The following TAF7L variants were observed in gnomAD, a reference collection of about 807,000 sequenced individuals.
TAF7L encodes transcription initiation factor TFIID subunit 7-like.
TAF7L carries 6 observed loss-of-function variants against 30.2 expected under a neutral mutation model. That is an observed-to-expected ratio of 0.20 (90% CI 0.11 to 0.39). The LOEUF is 0.39. Among genes scored for constraint, TAF7L ranks in the 10% least tolerant of loss-of-function variants. The pLI, the probability that TAF7L is intolerant of heterozygous loss-of-function variation, is 1.00. For missense variants in TAF7L, 284 were observed against 277.1 expected (o/e 1.03, Z -0.18); for synonymous variants, 93 against 94.5 (o/e 0.98, Z 0.09).
At chrX:101,291,423 A>G (rs970747463), upstream of TAF7L, 377 of 310,118 alleles carry the variant, frequency 1.2e-3, 2 homozygotes, top group Non-Finnish European at 4.1e-4. Context: ...TGCCCAGCGG[A>G]CTGGAGCACG....
At chrX:101,274,405 C>T (rs1036259415) in intron 12 of TAF7L, among the ~76,000 whole-genome samples, 1 of 110,499 alleles carries the variant, frequency 9.0e-6, no homozygotes, top group Non-Finnish European at 1.9e-5. Context: ...CAGCGTTTCA[C>T]CATGTTGCTC....
rs1322518794 is a variant in TAF7L, at chrX:101,290,988, T to C, written c.-3+236A>G. ...AGTCTCCGGCTGCAGTTTAAGAGACTGACCTCCATCCTTATCCCCGGGGCA... is the reference window on the plus strand; with the variant it reads ...AGTCTCCGGCTGCAGTTTAAGAGACCGACCTCCATCCTTATCCCCGGGGCA... On this transcript the variant is annotated intron_variant, in intron 1 of 12. Coordinates refer to ENST00000356784, the MANE Select transcript of TAF7L (RefSeq NM_001168474.2). 8.0e-5 allele frequency among the ~76,000 whole-genome samples: 9 copies of C among 112,205 alleles called. No individual in the cohort carries two copies. The East Asian group carries it at 2.5e-3, about 32-fold the overall frequency.
At chrX:101,275,941 C>T in intron 11 of TAF7L, 59 bp downstream of exon 11, 1 of 878,687 alleles carries the variant, frequency 1.1e-6, no homozygotes, top group Non-Finnish European at 1.6e-6. Context: ...AGTGGAAACA[C>T]AAAGGCAAGA....
chrX:101,289,645 G>A (rs1266599794), intron 1 of TAF7L, among the ~76,000 whole-genome samples: 11 of 110,815 alleles, frequency 9.9e-5, no homozygotes, highest in South Asian at 3.8e-4. Context: ...GCAATGGCAC[G>A]CATCTCAGCT....
upstream of TAF7L, among the ~76,000 whole-genome samples, chrX:101,292,255 ATAAAAAAAAT>A (rs1487179363): frequency 1.9e-4 from 15 of 77,244 alleles, 1 homozygote; most frequent in South Asian, 6.6e-4. Context: ...AAAAAAATAA[ATAAAAAAAAT>A]AAATAAAAAT....
chrX:101,268,969 G>A lies in TAF7L; in HGVS notation c.*224C>T. On this transcript the variant is annotated 3_prime_UTR_variant, in exon 13 of 13. Coordinates refer to ENST00000356784, the MANE Select transcript of TAF7L (RefSeq NM_001168474.2). ...ATAATAATTCCCAAATTGACAAAGA[G>A]AAAGTCTCATGGTCGAGTGGGGTCT... 3.3e-6 allele frequency: 1 copy of A among 306,614 alleles called. No homozygotes were observed. Among genetic ancestry groups the A allele is most frequent in the South Asian group, 1.5e-4 (1 of 6,579 alleles). 25.3% of individuals were successfully genotyped at this position (306,614 alleles called of 1,213,427 possible).
At chrX:101,277,472 AGG>A in intron 9 of TAF7L, 132 bp downstream of exon 9, 1 of 252,295 alleles carries the variant, frequency 4.0e-6, no homozygotes. Context: ...AAAAAAAAAG[AGG>A]GAAGGACGAA....
intron 12 of TAF7L, among the ~76,000 whole-genome samples, chrX:101,271,221 A>AC (rs1189893493): frequency 8.9e-6 from 1 of 112,107 alleles, no homozygotes; most frequent in African/African-American, 3.2e-5. Context: ...GTTTACAGCT[A>AC]CATTTCTATG....
chrX:101,275,251 C>G lies in TAF7L; in HGVS notation c.1057G>C (p.Glu353Gln), dbSNP rs1360211587. ...NHFQSVLEQL[E>Q]LQEKQKNEKL... ...TCATTTTTTTGTTTTTCCTGTAACT[C>G]AAGCTGCTCCAGCACAGACTGAAAA... Residue 353 changes from glutamate to glutamine, a missense_variant, in exon 12 of 13, where the codon GAG becomes CAG. Glu to Gln is a conservative substitution (Grantham distance 29). Coordinates refer to ENST00000356784, the MANE Select transcript of TAF7L (RefSeq NM_001168474.2). 2 of 1,187,181 alleles carry G rather than the reference C, an allele frequency of 1.7e-6. No homozygotes were observed. Among genetic ancestry groups the G allele is most frequent in the Non-Finnish European group, 2.3e-6 (2 of 883,009 alleles).
chrX:101,292,259 A>AAAAT, upstream of TAF7L, among the ~76,000 whole-genome samples: 2 of 38,480 alleles, frequency 5.2e-5, no homozygotes, highest in Admixed American at 3.0e-4. Flanking sequence ...AAATAAATAA[A>AAAAT]AAAAATAAAT....
chrX:101,273,892 T>G (rs1415156002), intron 12 of TAF7L, among the ~76,000 whole-genome samples: 1 of 112,260 alleles, frequency 8.9e-6, no homozygotes, highest in African/African-American at 3.2e-5. Flanking sequence ...CAATAGCACC[T>G]CCTAGGAGAG....
At chrX:101,269,955 G>C (rs1028319643) in intron 12 of TAF7L, among the ~76,000 whole-genome samples, 1 of 111,942 alleles carries the variant, frequency 8.9e-6, no homozygotes, top group African/African-American at 3.2e-5. Flanking sequence ...CTAAGAGTCA[G>C]ATGATAAAAC....
At position 101,273,733 on chromosome X, in the gene TAF7L, A is replaced by G. The variant is rs181571594; in HGVS notation, c.1086+1489T>C. Among the ~76,000 whole-genome samples, 6 of 111,847 alleles carry G rather than the reference A, an allele frequency of 5.4e-5. No individual in the cohort carries two copies. The East Asian group carries it at 1.7e-3, about 31-fold the overall frequency. ...GGTCTCTGCCTACTTCTCCAACCTT[A>G]TCTTAAGCCATTCTCTTCCTGGCTT... On this transcript the variant is annotated intron_variant, in intron 12 of 12. Coordinates refer to ENST00000356784, the MANE Select transcript of TAF7L (RefSeq NM_001168474.2).
intron 7 of TAF7L, among the ~76,000 whole-genome samples, chrX:101,278,670 G>A (rs1264210644): frequency 8.9e-6 from 1 of 112,349 alleles, no homozygotes; most frequent in African/African-American, 3.2e-5. Context: ...TGGGGAATAA[G>A]CAATTGCAAA....
intron 2 of TAF7L, among the ~76,000 whole-genome samples, chrX:101,287,244 G>C (rs192165654): frequency 1.8e-5 from 2 of 111,294 alleles, no homozygotes; most frequent in East Asian, 2.8e-4. Flanking sequence ...CATTGTCACA[G>C]CTGTTTTGCC....
intron 3 of TAF7L, among the ~76,000 whole-genome samples, chrX:101,286,149 C>A: frequency 9.6e-6 from 1 of 104,187 alleles, no homozygotes; most frequent in South Asian, 4.5e-4. Context: ...CCACTGCACT[C>A]CAGCCTGGGC....
chrX:101,290,696 G>C (rs938451079), intron 1 of TAF7L, among the ~76,000 whole-genome samples: 1 of 112,079 alleles, frequency 8.9e-6, no homozygotes, highest in Non-Finnish European at 1.9e-5. Context: ...GTTGAACTGG[G>C]TTTTAATTAT....
intron 12 of TAF7L, among the ~76,000 whole-genome samples, chrX:101,272,036 C>A (rs1465152072): frequency 9.0e-6 from 1 of 111,233 alleles, no homozygotes; most frequent in Non-Finnish European, 1.9e-5. Context: ...GCCTGTACTT[C>A]AAGAGCACCA....
At chrX:101,276,780 G>A (rs1197667137) in intron 9 of TAF7L, among the ~76,000 whole-genome samples, 3 of 110,374 alleles carry the variant, frequency 2.7e-5, no homozygotes, top group African/African-American at 9.9e-5. Context: ...AATACCAGGG[G>A]TGGATGGGAG....
Sources: gnomAD v4.1 joint callset for allele counts (sites outside exome capture counted in the v4.1 genomes callset) on GRCh38, gnomAD v4.1.1 for gene constraint, MANE v1.5 for transcripts, NCBI Gene and HGNC (gene_info 2026-07-23, HGNC 2026-07-21) for gene names.